The following RBFOX1 variants were observed in gnomAD, a reference collection of about 807,000 sequenced individuals.
RBFOX1 encodes RNA binding protein fox-1 homolog 1.
A neutral mutation model predicts 57.7 loss-of-function variants in RBFOX1; 8 were observed. The observed-to-expected ratio is 0.14, with a 90% confidence interval of 0.08 to 0.25. The LOEUF (loss-of-function observed/expected upper bound fraction) is 0.25, where lower values mean the gene tolerates loss of function less well. Among genes scored for constraint, RBFOX1 ranks in the 10% least tolerant of loss-of-function variants. RBFOX1 has a pLI of 1.00. For synonymous variants in RBFOX1, 326 were observed against 222.4 expected (o/e 1.47, Z -4.15); for missense variants, 611 against 548.5 (o/e 1.11, Z -1.14).
chr16:6,781,800 A>T (rs2081066362), intron 3 of RBFOX1, among the ~76,000 whole-genome samples: 1 of 152,094 alleles, frequency 6.6e-6, no homozygotes, highest in African/African-American at 2.4e-5. Flanking sequence ...ATATTTGGAC[A>T]TTCTCTCTTT....
intron 14 of RBFOX1, among the ~76,000 whole-genome samples, chr16:7,700,246 C>A (rs146920030): frequency 6.6e-6 from 1 of 152,160 alleles, no homozygotes; most frequent in Non-Finnish European, 1.5e-5. Context: ...CTGCAGTCCT[C>A]TCAGTCTTAA....
chr16:7,383,245 C>A (rs2097813400), intron 4 of RBFOX1, among the ~76,000 whole-genome samples: 2 of 151,144 alleles, frequency 1.3e-5, no homozygotes, highest in Admixed American at 1.3e-4. Flanking sequence ...AACATACACA[C>A]CTACTACGTA....
chr16:5,989,450 A>G (rs1414322681), intron 4 of RBFOX1, among the ~76,000 whole-genome samples: 1 of 152,216 alleles, frequency 6.6e-6, no homozygotes, highest in Non-Finnish European at 1.5e-5. Flanking sequence ...ACAATGTTGA[A>G]TGTGTACTGT....
In RBFOX1 at chr16:7,571,030, A is replaced by T. The variant is rs114431154; in HGVS notation, c.271-8747A>T. Among the ~76,000 whole-genome samples the T allele has an allele frequency of 5.9e-3, 906 of 152,308 alleles. 7 individuals are homozygous for T. The highest frequency in any genetic ancestry group is 0.018 in the African/African-American group (746 of 41,556). On this transcript the variant is annotated intron_variant, in intron 5 of 15. Coordinates refer to ENST00000550418, the MANE Select transcript of RBFOX1 (RefSeq NM_018723.4). ...TCTCACTCATAAGTGGGAGCAGGAC[A>T]GTGAGAACACATGGACACAGGGAGG...
At chr16:7,505,215 G>C (rs2072853789) in intron 4 of RBFOX1, among the ~76,000 whole-genome samples, 1 of 147,736 alleles carries the variant, frequency 6.8e-6, no homozygotes, top group Non-Finnish European at 1.5e-5. Flanking sequence ...GACACTCTTT[G>C]AGATGATTGA....
At chr16:5,600,608 G>C (rs1199570745), downstream of RBFOX1, among the ~76,000 whole-genome samples, 1 of 151,974 alleles carries the variant, frequency 6.6e-6, no homozygotes, top group Non-Finnish European at 1.5e-5. Flanking sequence ...GTGCAAACTG[G>C]AATCTCTAAG....
intron 4 of RBFOX1, among the ~76,000 whole-genome samples, chr16:5,882,501 G>T (rs141377625): frequency 3.9e-5 from 6 of 152,170 alleles, no homozygotes; most frequent in African/African-American, 1.4e-4. Context: ...TGAACCCAAG[G>T]GGAAGAAACA....
intron 2 of RBFOX1, among the ~76,000 whole-genome samples, chr16:6,481,575 A>G (rs1257545368): frequency 6.6e-6 from 1 of 152,162 alleles, no homozygotes; most frequent in East Asian, 1.9e-4. Context: ...GTTAATAATA[A>G]TACTCTATAT....
At chr16:7,027,682 CCAGA>C (rs2041383013) in intron 3 of RBFOX1, among the ~76,000 whole-genome samples, 1 of 152,110 alleles carries the variant, frequency 6.6e-6, no homozygotes, top group Admixed American at 6.6e-5. Context: ...GGGAAGGTTT[CCAGA>C]CAGAAGAGGA....
chr16:6,847,200 C>T (rs955390001), intron 3 of RBFOX1, among the ~76,000 whole-genome samples: 2 of 152,168 alleles, frequency 1.3e-5, no homozygotes, highest in Admixed American at 6.5e-5. Context: ...TAATATTGGT[C>T]ATTTAATACT....
rs1395207436 is a variant in RBFOX1 at position 6,789,808 on chromosome 16, T to G, written c.-16+135158T>G. Among the ~76,000 whole-genome samples the G allele has an allele frequency of 2.6e-5, 4 of 152,134 alleles. No individual in the cohort carries two copies. The East Asian group carries it at 7.7e-4, about 29-fold the overall frequency. ...TGAATGGTGATCCTCTTGTAATTTC[T>G]CATTTTCTGTCTTTGTGCTTTCTCC... On this transcript the variant is annotated intron_variant, in intron 3 of 15. Transcript: ENST00000550418.
chr16:6,979,652 A>G (rs2153586091), intron 3 of RBFOX1, among the ~76,000 whole-genome samples: 1 of 152,306 alleles, frequency 6.6e-6, no homozygotes, highest in East Asian at 1.9e-4. Context: ...GGTTGCAGAA[A>G]TAAGTTATGT....
At chr16:6,351,366 A>ATTTTTTTTTTTTTTTTTTTTTTT (rs1158685144) in intron 2 of RBFOX1, among the ~76,000 whole-genome samples, 1 of 99,036 alleles carries the variant, frequency 1.0e-5, no homozygotes, top group African/African-American at 4.9e-5. Flanking sequence ...ATATATATAT[A>ATTTTTTTTTTTTTTTTTTTTTTT]TATATATTTT....
chr16:5,969,851 G>A (rs1325468378), intron 4 of RBFOX1, among the ~76,000 whole-genome samples: 1 of 151,800 alleles, frequency 6.6e-6, no homozygotes, highest in Non-Finnish European at 1.5e-5. Context: ...TCTTCTCAGT[G>A]TGGATGGTCC....
At chr16:6,853,684 T>C (rs900957081) in intron 3 of RBFOX1, among the ~76,000 whole-genome samples, 7 of 152,304 alleles carry the variant, frequency 4.6e-5, no homozygotes, top group Admixed American at 4.6e-4. Context: ...TGTGAACCTG[T>C]AGCAATTTAT....
chr16:5,931,281 C>G, intron 4 of RBFOX1, among the ~76,000 whole-genome samples: 1 of 152,126 alleles, frequency 6.6e-6, no homozygotes, highest in East Asian at 1.9e-4. Flanking sequence ...CTATTGACCA[C>G]CATGGGTCAT....
chr16:7,503,709 TCCC>T (rs2071789925), intron 4 of RBFOX1, among the ~76,000 whole-genome samples: 1 of 152,206 alleles, frequency 6.6e-6, no homozygotes. Flanking sequence ...AGGTGGAGAA[TCCC>T]TATTGAATTA....
At chr16:6,132,354 C>T (rs949826886) in intron 1 of RBFOX1, among the ~76,000 whole-genome samples, 6 of 152,138 alleles carry the variant, frequency 3.9e-5, no homozygotes, top group Admixed American at 6.5e-5. Context: ...TAGAATCATG[C>T]GAATGCATGA....
intron 4 of RBFOX1, among the ~76,000 whole-genome samples, chr16:7,119,492 T>G (rs968568416): frequency 1.3e-5 from 2 of 152,026 alleles, no homozygotes; most frequent in African/African-American, 4.8e-5. Flanking sequence ...GAGTTCCATT[T>G]CGAGTTAGAT....
Sources: allele counts gnomAD v4.1 joint callset (sites outside exome capture counted in the v4.1 genomes callset), GRCh38; gene constraint gnomAD v4.1.1; transcripts MANE v1.5; gene names NCBI Gene and HGNC (gene_info 2026-07-23, HGNC 2026-07-21).